ANKRD17: variants seen among roughly 807,000 people sequenced by gnomAD.
The protein encoded by ANKRD17 is ankyrin repeat domain 17, also known as ankyrin repeat domain-containing protein 17.
Under a neutral mutation model 229.7 loss-of-function variants are expected in ANKRD17, and 19 were observed. The ratio of observed to expected loss-of-function variants is 0.08; its 90% CI spans 0.06 to 0.12. The LOEUF (loss-of-function observed/expected upper bound fraction) is 0.12, where lower values mean the gene tolerates loss of function less well. Ranked by LOEUF, ANKRD17 falls within the 10% of genes least tolerant of loss-of-function variation. The pLI, the probability that ANKRD17 is intolerant of heterozygous loss-of-function variation, is 1.00. For synonymous variants in ANKRD17, 1,112 were observed against 1,146.1 expected (o/e 0.97, Z 0.60); for missense variants, 2,176 against 3,176.8 (o/e 0.68, Z 7.57).
intron 2 of ANKRD17, among the ~76,000 whole-genome samples, chr4:73,170,484 G>A (rs534404463): frequency 9.3e-5 from 14 of 150,572 alleles, no homozygotes; most frequent in Non-Finnish European, 1.6e-4. Context: ...CTTCATGTGA[G>A]AACCAGCACA....
intron 1 of ANKRD17, among the ~76,000 whole-genome samples, chr4:73,245,096 G>C (rs990845059): frequency 2.0e-5 from 3 of 152,124 alleles, no homozygotes; most frequent in African/African-American, 7.2e-5. Flanking sequence ...GGGCCTCCCA[G>C]GATGGAAAAG....
Position 73,078,732 on chromosome 4 carries a change from T to C in ANKRD17, c.7318A>G (p.Thr2440Ala). 6.2e-7 allele frequency: 1 copy of C among 1,614,116 alleles called. No homozygotes were observed. ...CTCCCAATAACAGATGGAGCTGACGTTCCAGTTTGCCTGATACGTGCAGAA... is the reference window on the plus strand; with the variant it reads ...CTCCCAATAACAGATGGAGCTGACGCTCCAGTTTGCCTGATACGTGCAGAA... ...ERSARIRQTG[T>A]SAPSVIGSNL... The change falls in exon 31 of 34, where the codon ACG (threonine) becomes GCG (alanine). Residue 2440 changes from threonine (T) to alanine (A), a missense_variant. Coordinates refer to ENST00000358602, the MANE Select transcript of ANKRD17 (RefSeq NM_032217.5).
intron 1 of ANKRD17, among the ~76,000 whole-genome samples, chr4:73,180,860 T>G (rs1157307908): frequency 1.3e-5 from 2 of 152,166 alleles, no homozygotes; most frequent in East Asian, 3.9e-4. Flanking sequence ...AGACCCCCAA[T>G]TCTGCTTAAT....
At chr4:73,183,683 A>C (rs1294003985) in intron 1 of ANKRD17, among the ~76,000 whole-genome samples, 6 of 152,136 alleles carry the variant, frequency 3.9e-5, no homozygotes, top group Non-Finnish European at 7.3e-5. Flanking sequence ...ACCAAAACAC[A>C]AGTTTTGTGT....
At chr4:73,208,940 G>A (rs906878479) in intron 1 of ANKRD17, among the ~76,000 whole-genome samples, 8 of 152,100 alleles carry the variant, frequency 5.3e-5, no homozygotes, top group South Asian at 4.1e-4. Flanking sequence ...GGCTGGGCGC[G>A]GTGGCTCATG....
intron 1 of ANKRD17, among the ~76,000 whole-genome samples, chr4:73,246,201 T>C (rs982395909): frequency 1.3e-5 from 2 of 152,260 alleles, no homozygotes; most frequent in Admixed American, 6.5e-5. Flanking sequence ...CAGAGCAAAG[T>C]TGTCACAACT....
intron 1 of ANKRD17, among the ~76,000 whole-genome samples, chr4:73,180,165 T>C (rs1735356051): frequency 6.6e-6 from 1 of 151,930 alleles, no homozygotes; most frequent in Non-Finnish European, 1.5e-5. Flanking sequence ...TAATCAAAGG[T>C]AGAGATCAGA....
chr4:73,083,885 A>G (rs1253256438), intron 30 of ANKRD17, among the ~76,000 whole-genome samples: 3 of 151,928 alleles, frequency 2.0e-5, no homozygotes, highest in Non-Finnish European at 4.4e-5. Flanking sequence ...AATTAGGTTA[A>G]CTGTTATTTA....
In ANKRD17 at chr4:73,146,363, C is replaced by G. The variant is rs374016856; in HGVS notation, c.1869+401G>C. 2.6e-5 allele frequency among the ~76,000 whole-genome samples: 4 copies of G among 152,114 alleles called. No individual in the cohort carries two copies. In the East Asian group the frequency reaches 5.8e-4, roughly 22 times the overall value. ...AAGTTTATTATTTATGTTTTAAACT[C>G]TTTTATTATTTAATAATGTTCTGAA... On this transcript the variant is annotated intron_variant, in intron 10 of 33. Coordinates refer to ENST00000358602, the MANE Select transcript of ANKRD17 (RefSeq NM_032217.5).
chr4:73,134,292 A>G (rs1728614931), intron 16 of ANKRD17, among the ~76,000 whole-genome samples: 1 of 152,132 alleles, frequency 6.6e-6, no homozygotes, highest in Non-Finnish European at 1.5e-5. Context: ...GCTTTATTAT[A>G]AAGAAATAAT....
Position 73,074,634 on chromosome 4 carries a change from CAGAT to C in ANKRD17, c.*1593_*1596del, listed in dbSNP as rs947132114. ...CTTTACTCAGGCTTTACTCTTTACTCAGATGGAAGAAATCATTTGATTTACTTGA... is the reference window on the plus strand; with the variant it reads ...CTTTACTCAGGCTTTACTCTTTACTCGGAAGAAATCATTTGATTTACTTGA... On this transcript the variant is annotated 3_prime_UTR_variant, in exon 34 of 34. Transcript: ENST00000358602. 6.6e-6 allele frequency: 1 copy of C among 151,856 alleles called. No individual in the cohort carries two copies. The highest frequency in any genetic ancestry group is 2.4e-5 in the African/African-American group (1 of 41,386). 9.4% of individuals were successfully genotyped at this position (151,856 alleles called of 1,614,324 possible).
intron 1 of ANKRD17, among the ~76,000 whole-genome samples, chr4:73,220,654 C>T (rs1578441303): frequency 6.6e-6 from 1 of 151,920 alleles, no homozygotes; most frequent in African/African-American, 2.4e-5. Context: ...ATAAGAGTAC[C>T]TTTAAGAAGT....
intron 18 of ANKRD17, among the ~76,000 whole-genome samples, chr4:73,123,813 G>A (rs1307354301): frequency 2.0e-5 from 3 of 151,654 alleles, no homozygotes; most frequent in Admixed American, 2.0e-4. Context: ...GAAGTGGGGG[G>A]AAAAGCTAGT....
rs748663155 is a variant in ANKRD17 at position 73,098,131 on chromosome 4, C to T, written c.4963G>A (p.Val1655Ile). Residue 1655 changes from valine (V) to isoleucine (I), a missense_variant, in exon 26 of 34, where the codon GTT becomes ATT. By Grantham distance (29) the Val-to-Ile change is conservative. Transcript: ENST00000358602. ...TTVSSKKQPS[V>I]LVTFPKEERK... ...TCTTCCTTTGGAAATGTAACAAGAA[C>T]TGATGGCTGCTTTTTGCTGCTCACA... 1.2e-6 allele frequency: 2 copies of T among 1,613,636 alleles called. No individual in the cohort carries two copies. The highest frequency in any genetic ancestry group is 1.7e-5 in the Admixed American group (1 of 60,006).
rs1722861553 is a variant in ANKRD17, at chr4:73,092,257, C to T, written c.5371G>A (p.Ala1791Thr). 1.2e-6 allele frequency: 2 copies of T among 1,613,896 alleles called. No homozygotes were observed. The highest frequency in any genetic ancestry group is 2.7e-5 in the African/African-American group (2 of 74,890). The change falls in exon 29 of 34, where the codon GCT becomes ACT. Residue 1791 changes from alanine to threonine, a missense_variant. Transcript: ENST00000358602. ...TCTTTGTCTGGATCCTTGATCAAAG[C>T]ATTAATCAATTGAGTTGCTTGTCTT... Reference protein sequence around the residue: ...STRQATQLINALIKDPDKEID... With the variant: ...STRQATQLINTLIKDPDKEID...
chr4:73,244,234 T>C (rs1424459787), intron 1 of ANKRD17, among the ~76,000 whole-genome samples: 1 of 152,148 alleles, frequency 6.6e-6, no homozygotes, highest in African/African-American at 2.4e-5. Context: ...CATTCTGAAA[T>C]ACTTGGGGTT....
chr4:73,077,160 T>G, intron 32 of ANKRD17, 56 bp from the exon 33 acceptor site: 2 of 1,486,842 alleles, frequency 1.3e-6, no homozygotes, highest in Non-Finnish European at 9.0e-7. Flanking sequence ...TTTTTCCCAA[T>G]ATAATCAATA....
chr4:73,128,797 T>C (rs911760823), intron 16 of ANKRD17, among the ~76,000 whole-genome samples: 1 of 152,258 alleles, frequency 6.6e-6, no homozygotes, highest in East Asian at 1.9e-4. Context: ...TCCATTGTAT[T>C]TCTGCATTAA....
intron 16 of ANKRD17, among the ~76,000 whole-genome samples, chr4:73,132,147 C>T (rs370568129): frequency 1.3e-5 from 2 of 151,312 alleles, no homozygotes; most frequent in East Asian, 3.9e-4. Flanking sequence ...ACTCTGTCGC[C>T]CAGGCTGGAG....
Sources: allele counts gnomAD v4.1 joint callset (sites outside exome capture counted in the v4.1 genomes callset), GRCh38; gene constraint gnomAD v4.1.1; transcripts MANE v1.5; gene names NCBI Gene and HGNC (gene_info 2026-07-23, HGNC 2026-07-21).